The following QRFPR variants were observed in gnomAD, a reference collection of about 807,000 sequenced individuals.
The protein encoded by QRFPR is pyroglutamylated RFamide peptide receptor.
In QRFPR, 37 loss-of-function variants were observed where a neutral mutation model predicts 31.3. The ratio of observed to expected loss-of-function variants is 1.18; its 90% CI spans 0.91 to 1.56. The LOEUF is 1.56. QRFPR is among the 40% of genes most tolerant of loss of function. QRFPR has a pLI of 0.00. For synonymous variants in QRFPR, 197 were observed against 192.0 expected, an observed-to-expected ratio of 1.03 and a Z score of -0.22; for missense variants, 542 against 532.5, an observed-to-expected ratio of 1.02 and a Z score of -0.18.
At chr4:121,368,806 A>G (rs918510938) in intron 1 of QRFPR, among the ~76,000 whole-genome samples, 2 of 150,734 alleles carry the variant, frequency 1.3e-5, no homozygotes, top group African/African-American at 4.9e-5. Flanking sequence ...GAACAGCACA[A>G]ACATTCTTTA....
intron 2 of QRFPR, among the ~76,000 whole-genome samples, chr4:121,337,973 T>C (rs1387108996): frequency 1.3e-5 from 2 of 152,188 alleles, no homozygotes; most frequent in African/African-American, 2.4e-5. Flanking sequence ...GTTCTTTCTA[T>C]ATTGGGTGGA....
At chr4:121,332,482 A>G (rs1171422547) in intron 4 of QRFPR, among the ~76,000 whole-genome samples, 2 of 152,116 alleles carry the variant, frequency 1.3e-5, no homozygotes, top group Non-Finnish European at 1.5e-5. Context: ...AGACTGATGT[A>G]TATCTTGTGG....
chr4:121,357,719 C>G (rs1332576413), intron 1 of QRFPR, among the ~76,000 whole-genome samples: 1 of 152,140 alleles, frequency 6.6e-6, no homozygotes, highest in Non-Finnish European at 1.5e-5. Context: ...GGGACTTAAG[C>G]TTTTTAAAGT....
chr4:121,354,027 A>C (rs1413255321), intron 1 of QRFPR, among the ~76,000 whole-genome samples: 1 of 151,882 alleles, frequency 6.6e-6, no homozygotes, highest in Non-Finnish European at 1.5e-5. Flanking sequence ...CAAATGCATG[A>C]ATTTATTCCC....
intron 1 of QRFPR, among the ~76,000 whole-genome samples, chr4:121,348,989 C>T (rs543281004): frequency 6.6e-6 from 1 of 151,960 alleles, no homozygotes; most frequent in East Asian, 1.9e-4. Flanking sequence ...CCCAGCTACT[C>T]GGGAGGCTGA....
chr4:121,355,038 G>A (rs538432075), intron 1 of QRFPR, among the ~76,000 whole-genome samples: 13 of 151,800 alleles, frequency 8.6e-5, no homozygotes, highest in South Asian at 2.1e-4. Flanking sequence ...TTCTTTTTTC[G>A]TTGTGTCTTT....
chr4:121,329,236 G>A lies in QRFPR; in HGVS notation c.*78C>T. 9.1e-7 allele frequency: 1 copy of A among 1,096,882 alleles called. No homozygotes were observed. The highest frequency in any genetic ancestry group is 1.3e-6 in the Non-Finnish European group (1 of 765,198). 67.9% of individuals were successfully genotyped at this position (1,096,882 alleles called of 1,614,324 possible). A position where few individuals can be genotyped will look rare whatever the true frequency, so the allele number is the denominator to read the frequency against. ...TGTCATCATCTTAAGAATAAAAAGA[G>A]TATTTGACCTTTGCTCAAAATAATT... On this transcript the variant is annotated 3_prime_UTR_variant, in exon 6 of 6. Coordinates refer to ENST00000394427, the MANE Select transcript of QRFPR (RefSeq NM_198179.3).
In QRFPR at chr4:121,332,805, A is replaced by G; in HGVS notation, c.797+16T>C. 6.4e-7 allele frequency: 1 copy of G among 1,573,410 alleles called. No homozygotes were observed. Among genetic ancestry groups the G allele is most frequent in the Non-Finnish European group, 8.7e-7 (1 of 1,143,802 alleles). ...TTAAAAATAATTTAAAGAGGTGAAT[A>G]TTTCATTAAACAGACCTGGCTATTT... On this transcript the variant is annotated intron_variant, in intron 4 of 5. Transcript: ENST00000394427.
intron 1 of QRFPR, among the ~76,000 whole-genome samples, chr4:121,354,143 G>A (rs761311552): frequency 8.6e-5 from 13 of 151,984 alleles, no homozygotes; most frequent in Non-Finnish European, 1.3e-4. Context: ...CAGATCGTGC[G>A]GTTTTTCCAC....
At position 121,365,411 on chromosome 4, in the gene QRFPR, G is replaced by A. The variant is rs560633631; in HGVS notation, c.340+14897C>T. On this transcript the variant is annotated intron_variant, in intron 1 of 5. Coordinates refer to ENST00000394427, the MANE Select transcript of QRFPR (RefSeq NM_198179.3). ...AGAGCTTTTAGTGAGCCGAGATCAC[G>A]CCACCGCACTCCAGCCTGGGCAACA... 1.5e-4 allele frequency among the ~76,000 whole-genome samples: 19 copies of A among 129,156 alleles called. 1 individual carries two copies. The highest frequency in any genetic ancestry group is 4.9e-4 in the African/African-American group (16 of 32,914). 84.7% of individuals were successfully genotyped at this position (129,156 alleles called of 152,430 possible).
Position 121,329,462 on chromosome 4 carries a change from A to C in QRFPR, c.1148T>G (p.Val383Gly). ...KAKFSLRENPVEETKGEAFSD... is the reference protein window; with the variant it reads ...KAKFSLRENPGEETKGEAFSD... ...GAATGCTTCTCCTTTGGTTTCCTCC[A>C]CTGGATTCTCTCTGAGGGAAAACTT... is the stretch of plus-strand genomic sequence containing the variant. Residue 383 changes from valine to glycine, a missense_variant, in exon 6 of 6, where the codon GTG becomes GGG. Physicochemically the swap from Val to Gly is moderately radical, Grantham distance 109. Coordinates refer to ENST00000394427, the MANE Select transcript of QRFPR (RefSeq NM_198179.3). 1 of 1,614,080 alleles carries C rather than the reference A, an allele frequency of 6.2e-7. No homozygotes were observed. The highest frequency in any genetic ancestry group is 8.5e-7 in the Non-Finnish European group (1 of 1,180,010).
chr4:121,337,733 A>T (rs1725461898), intron 2 of QRFPR, among the ~76,000 whole-genome samples: 1 of 152,214 alleles, frequency 6.6e-6, no homozygotes, highest in African/African-American at 2.4e-5. Context: ...ATAAAAAAAA[A>T]AGAAAACAAA....
intron 1 of QRFPR, 108 bp downstream of exon 1, chr4:121,380,200 A>G (rs1400175529): frequency 1.2e-4 from 20 of 169,950 alleles, no homozygotes; most frequent in Non-Finnish European, 1.6e-4. Context: ...AGAGAGAGAG[A>G]GAGAGAGAGA....
intron 1 of QRFPR, among the ~76,000 whole-genome samples, chr4:121,378,176 C>T (rs1726392379): frequency 1.3e-5 from 2 of 152,190 alleles, no homozygotes; most frequent in African/African-American, 4.8e-5. Context: ...TACTAACACA[C>T]TTTATTCTCA....
chr4:121,337,219 G>A (rs945581092), intron 2 of QRFPR, among the ~76,000 whole-genome samples: 1 of 152,172 alleles, frequency 6.6e-6, no homozygotes, highest in Non-Finnish European at 1.5e-5. Context: ...TGAGGAGCCT[G>A]CAGTGCTGGT....
chr4:121,331,086 C>T (rs1293847043), intron 4 of QRFPR, among the ~76,000 whole-genome samples: 3 of 143,146 alleles, frequency 2.1e-5, no homozygotes, highest in African/African-American at 7.9e-5. Flanking sequence ...GGCAACATGG[C>T]AAAAACGCAT....
At chr4:121,377,396 T>C (rs1306873358) in intron 1 of QRFPR, among the ~76,000 whole-genome samples, 1 of 140,088 alleles carries the variant, frequency 7.1e-6, no homozygotes, top group Non-Finnish European at 1.5e-5. Context: ...GGTTTTTACA[T>C]AACTATATAT....
At chr4:121,380,231 G>C (rs958708660) in intron 1 of QRFPR, 77 bp downstream of exon 1, 9 of 1,008,650 alleles carry the variant, frequency 8.9e-6, no homozygotes, top group Middle Eastern at 4.3e-4. Context: ...GAGAGAGAGA[G>C]AGAGAGAGAG....
rs530792749 is a variant in QRFPR, at chr4:121,359,693, A to G, written c.341-19083T>C. Among the ~76,000 whole-genome samples, 18 of 151,184 alleles carry G rather than the reference A, an allele frequency of 1.2e-4. No individual in the cohort carries two copies. In the South Asian group the frequency reaches 3.6e-3, roughly 30 times the overall value. ...TATGTGTGTGTATATATGTGTGTATATATGTGTGTATGTGTGTGTGTGTAT... is the reference window on the plus strand; with the variant it reads ...TATGTGTGTGTATATATGTGTGTATGTATGTGTGTATGTGTGTGTGTGTAT... On this transcript the variant is annotated intron_variant, in intron 1 of 5. Coordinates refer to ENST00000394427, the MANE Select transcript of QRFPR (RefSeq NM_198179.3).
Sources: allele counts gnomAD v4.1 joint callset (sites outside exome capture counted in the v4.1 genomes callset), GRCh38; gene constraint gnomAD v4.1.1; transcripts MANE v1.5; gene names NCBI Gene and HGNC (gene_info 2026-07-23, HGNC 2026-07-21).